The following NOL4 variants were observed in gnomAD, a reference collection of about 807,000 sequenced individuals.
NOL4 encodes the protein nucleolar protein 4.
In NOL4, 17 loss-of-function variants were observed where a neutral mutation model predicts 75.9. The ratio of observed to expected loss-of-function variants is 0.22; its 90% CI spans 0.15 to 0.34. The LOEUF (loss-of-function observed/expected upper bound fraction) is 0.34. NOL4 is among the 10% of genes least tolerant of loss of function. The pLI is 1.00. For synonymous variants in NOL4, 292 were observed against 289.9 expected (o/e 1.01, Z -0.07); for missense variants, 614 against 793.5 (o/e 0.77, Z 2.72).
At position 33,892,038 on chromosome 18, in the gene NOL4, G is replaced by C. The variant is rs544176988; in HGVS notation, c.1543-8614C>G. Among the ~76,000 whole-genome samples the C allele has an allele frequency of 8.5e-5, 13 of 152,126 alleles. No homozygotes were observed. In the South Asian group the frequency reaches 2.7e-3, roughly 32 times the overall value. On this transcript the variant is annotated intron_variant, in intron 9 of 10. Transcript: ENST00000261592. ...TAAAGTTAATTCATGTTTTCATCTT[G>C]AATGATTATTATTACTGTTTTTAAA...
chr18:34,036,052 A>G (rs2075878913), intron 5 of NOL4, among the ~76,000 whole-genome samples: 1 of 152,152 alleles, frequency 6.6e-6, no homozygotes, highest in African/African-American at 2.4e-5. Context: ...AGATATAAAG[A>G]AGAAATAATA....
At chr18:33,905,129 G>A (rs766644712) in intron 9 of NOL4, among the ~76,000 whole-genome samples, 5 of 152,104 alleles carry the variant, frequency 3.3e-5, no homozygotes, top group African/African-American at 4.8e-5. Flanking sequence ...GCTGGAGAAC[G>A]AACTGATATT....
intron 5 of NOL4, among the ~76,000 whole-genome samples, chr18:34,091,876 C>T (rs1287641721): frequency 6.6e-6 from 1 of 151,940 alleles, no homozygotes; most frequent in African/African-American, 2.4e-5. Flanking sequence ...GTGCTTTTCC[C>T]TAAGAGTATA....
At chr18:34,012,640 C>T (rs930142142) in intron 6 of NOL4, among the ~76,000 whole-genome samples, 2 of 151,886 alleles carry the variant, frequency 1.3e-5, no homozygotes, top group Admixed American at 1.3e-4. Flanking sequence ...TTCAATTACG[C>T]ATTCATTTAC....
At chr18:33,875,069 T>G (rs1488289321) in intron 10 of NOL4, among the ~76,000 whole-genome samples, 1 of 151,974 alleles carries the variant, frequency 6.6e-6, no homozygotes, top group Non-Finnish European at 1.5e-5. Flanking sequence ...ATAACAGAGT[T>G]GAAAAACAAA....
chr18:34,153,323 C>T (rs1243055599), intron 1 of NOL4, among the ~76,000 whole-genome samples: 2 of 151,900 alleles, frequency 1.3e-5, no homozygotes, highest in Non-Finnish European at 2.9e-5. Context: ...TTCATATCCT[C>T]TTCCAATGTA....
chr18:33,937,356 A>C (rs1444123134), intron 9 of NOL4, among the ~76,000 whole-genome samples: 3 of 152,080 alleles, frequency 2.0e-5, no homozygotes, highest in African/African-American at 7.2e-5. Context: ...AGCTTTATAA[A>C]ATCCAATTAA....
intron 10 of NOL4, among the ~76,000 whole-genome samples, chr18:33,882,583 T>C (rs1190408208): frequency 6.7e-6 from 1 of 148,870 alleles, no homozygotes; most frequent in African/African-American, 2.5e-5. Context: ...TGTGGAGAAA[T>C]AGGAACACTT....
intron 1 of NOL4, among the ~76,000 whole-genome samples, chr18:34,166,462 G>A (rs1307021170): frequency 6.6e-6 from 1 of 152,098 alleles, no homozygotes; most frequent in Non-Finnish European, 1.5e-5. Context: ...TTTACAGAAA[G>A]TAGATAATGT....
chr18:34,170,731 T>G (rs1169819237), intron 1 of NOL4, among the ~76,000 whole-genome samples: 1 of 152,174 alleles, frequency 6.6e-6, no homozygotes, highest in Non-Finnish European at 1.5e-5. Flanking sequence ...CTGAAAATTC[T>G]CATTAGGAAA....
At chr18:33,975,349 T>C (rs2071407663) in intron 6 of NOL4, among the ~76,000 whole-genome samples, 1 of 152,236 alleles carries the variant, frequency 6.6e-6, no homozygotes, top group Non-Finnish European at 1.5e-5. Context: ...AATATTTTCA[T>C]TAAAAATTAC....
At chr18:33,984,272 C>A (rs535468804) in intron 6 of NOL4, among the ~76,000 whole-genome samples, 1 of 152,066 alleles carries the variant, frequency 6.6e-6, no homozygotes, top group African/African-American at 2.4e-5. Flanking sequence ...TCATATCTTA[C>A]CCTAGGGTCA....
At chr18:34,191,443 A>T in intron 1 of NOL4, among the ~76,000 whole-genome samples, 1 of 152,146 alleles carries the variant, frequency 6.6e-6, no homozygotes, top group Non-Finnish European at 1.5e-5. Flanking sequence ...ATATACAAAA[A>T]GTTCCAGAGG....
chr18:34,041,659 G>C (rs2076146698), intron 5 of NOL4, among the ~76,000 whole-genome samples: 1 of 151,940 alleles, frequency 6.6e-6, no homozygotes. Context: ...CAAAGCATTA[G>C]AAAAGCATTA....
chr18:34,131,076 A>G (rs1351329141), intron 1 of NOL4, among the ~76,000 whole-genome samples: 1 of 143,226 alleles, frequency 7.0e-6, no homozygotes, highest in Non-Finnish European at 1.5e-5. Flanking sequence ...ATACACCGAC[A>G]CACACACACA....
intron 5 of NOL4, among the ~76,000 whole-genome samples, chr18:34,087,706 T>A (rs1353531766): frequency 6.6e-6 from 1 of 152,008 alleles, no homozygotes; most frequent in Admixed American, 6.6e-5. Flanking sequence ...AGGATCCAAG[T>A]GAGTTACCTT....
At chr18:33,986,214 G>T (rs1210963795) in intron 6 of NOL4, among the ~76,000 whole-genome samples, 1 of 152,028 alleles carries the variant, frequency 6.6e-6, no homozygotes, top group African/African-American at 2.4e-5. Flanking sequence ...AACTGTAATT[G>T]TGGCTATTCA....
intron 8 of NOL4, among the ~76,000 whole-genome samples, chr18:33,945,878 C>A (rs925083583): frequency 4.0e-5 from 6 of 151,808 alleles, no homozygotes; most frequent in African/African-American, 1.2e-4. Context: ...CTTTGAAGAA[C>A]TGAAACCTAG....
At chr18:33,980,670 G>T (rs1247103008) in intron 6 of NOL4, among the ~76,000 whole-genome samples, 1 of 151,770 alleles carries the variant, frequency 6.6e-6, no homozygotes, top group African/African-American at 2.4e-5. Flanking sequence ...GTTTACTAAA[G>T]ACTAAGACCT....
Sources: gnomAD v4.1 joint callset for allele counts (sites outside exome capture counted in the v4.1 genomes callset) on GRCh38, gnomAD v4.1.1 for gene constraint, MANE v1.5 for transcripts, NCBI Gene and HGNC (gene_info 2026-07-23, HGNC 2026-07-21) for gene names.